PKNOX1: variants seen among roughly 807,000 people sequenced by gnomAD.
PKNOX1 encodes homeobox protein PKNOX1.
In PKNOX1, 15 loss-of-function variants were observed where a neutral mutation model predicts 51.9. The observed-to-expected ratio is 0.29, with a 90% CI of 0.19 to 0.45. PKNOX1 has a LOEUF of 0.45. Ranked by LOEUF, PKNOX1 falls within the 20% of genes least tolerant of loss-of-function variation. The probability of loss-of-function intolerance (pLI) is 1.00; values close to 1 mark genes in which losing one functional copy is unlikely to be tolerated. For missense variants in PKNOX1, 462 were observed against 547.5 expected (o/e 0.84, Z 1.56); for synonymous variants, 219 against 211.1 (o/e 1.04, Z -0.32).
rs1479314405 is a variant in PKNOX1 at position 43,021,303 on chromosome 21, C to G, written c.721C>G (p.Leu241Val). The G allele has an allele frequency of 6.3e-7, 1 of 1,594,366 alleles. No homozygotes were observed. The highest frequency in any genetic ancestry group is 8.6e-7 in the Non-Finnish European group (1 of 1,167,478). ...TAATGTTATTTTTCAACTTTAAAAGCTTCAGTTACAGTTAAACCAAGATCT... is the reference window on the plus strand; with the variant it reads ...TAATGTTATTTTTCAACTTTAAAAGGTTCAGTTACAGTTAAACCAAGATCT... The part of the protein sequence containing the change: ...PGTIRIQNSQ[L>V]QLQLNQDLSI... The change falls in exon 8 of 11, where the codon CTT (leucine) becomes GTT (valine). Residue 241 changes from leucine (L) to valine (V), a missense_variant and splice_region_variant. Leu to Val is a conservative substitution (Grantham distance 32). Transcript: ENST00000291547. The surrounding 1 kb of genome is among the most constrained non-coding windows in gnomAD (Gnocchi z 4.6).
chr21:43,018,469 G>GCGCCCCCCCCCCCCCCCCCCCC (rs1555862658), intron 7 of PKNOX1, among the ~76,000 whole-genome samples: 1 of 11,046 alleles, frequency 9.1e-5, no homozygotes, highest in African/African-American at 4.7e-4. Context: ...ACCACCCCCT[G>GCGCCCCCCCCCCCCCCCCCCCC]CCACCCACAC....
intron 1 of PKNOX1, among the ~76,000 whole-genome samples, chr21:42,976,449 C>A (rs992536529): frequency 6.6e-6 from 1 of 152,132 alleles, no homozygotes; most frequent in Non-Finnish European, 1.5e-5. Context: ...TTGATGGACT[C>A]CTCCTTTCAT....
chr21:42,989,538 C>T (rs995949924), intron 1 of PKNOX1, among the ~76,000 whole-genome samples: 4 of 152,078 alleles, frequency 2.6e-5, no homozygotes, highest in African/African-American at 4.8e-5. Flanking sequence ...CAAGTCTCAG[C>T]CTCCCGAGTA....
intron 8 of PKNOX1, among the ~76,000 whole-genome samples, chr21:43,023,667 T>A (rs1979861229): frequency 6.6e-6 from 1 of 151,696 alleles, no homozygotes; most frequent in South Asian, 2.1e-4. Context: ...CAGGCTGGAG[T>A]GCAGTGGCGC....
rs1193157665 is a variant in PKNOX1, at chr21:43,028,831, A to G, written c.1056A>G (p.Ser352=). 1.2e-6 allele frequency: 2 copies of G among 1,614,040 alleles called. No homozygotes were observed. The highest frequency in any genetic ancestry group is 1.3e-5 in the African/African-American group (1 of 74,924). Residue 352 remains serine, a synonymous_variant, in exon 10 of 11, where the codon TCA becomes TCG. Coordinates refer to ENST00000291547, the MANE Select transcript of PKNOX1 (RefSeq NM_004571.5). ...GGTTTTGGCCTGATTCTATTGCATCAGGAGTCGCACAGCCACCGCCGAGCG... is the reference window on the plus strand; with the variant it reads ...GGTTTTGGCCTGATTCTATTGCATCGGGAGTCGCACAGCCACCGCCGAGCG... The part of the protein sequence containing the change: ...VQRFWPDSIA[S]GVAQPPPSEL...
intron 1 of PKNOX1, among the ~76,000 whole-genome samples, chr21:42,987,398 A>ATATATATATATATATATATAT (rs1555858083): frequency 5.4e-5 from 5 of 91,826 alleles, no homozygotes; most frequent in African/African-American, 1.5e-4. Flanking sequence ...AAAAAAAAAA[A>ATATATATATATATATATATAT]AAAAAAATAT....
rs376666078 is a variant in PKNOX1 at position 42,994,023 on chromosome 21, C to T, written c.-56-10303C>T. 1.4e-3 allele frequency among the ~76,000 whole-genome samples: 191 copies of T among 133,350 alleles called. 3 individuals carry two copies. Among genetic ancestry groups the T allele is most frequent in the Admixed American group, 0.014 (171 of 12,234 alleles). The allele number at this position is 133,350 out of a possible 152,430, so 87.5% of individuals were successfully genotyped here. On this transcript the variant is annotated intron_variant, in intron 1 of 10. Coordinates refer to ENST00000291547, the MANE Select transcript of PKNOX1 (RefSeq NM_004571.5). ...TTGGGATTACAGGTGTGAGCCGCCG[C>T]GCCCAGCCTTTTTTTTTTTTTTTTT...
At chr21:42,977,338 C>T (rs1437850707) in intron 1 of PKNOX1, among the ~76,000 whole-genome samples, 1 of 152,154 alleles carries the variant, frequency 6.6e-6, no homozygotes, top group African/African-American at 2.4e-5. Context: ...TAGATGTCAT[C>T]TCCTTCCAAA....
At chr21:42,998,966 G>A (rs1002160177) in intron 1 of PKNOX1, among the ~76,000 whole-genome samples, 2 of 152,184 alleles carry the variant, frequency 1.3e-5, no homozygotes, top group Non-Finnish European at 2.9e-5. Context: ...GCCCCAGTAG[G>A]GACTCTGTGT....
At position 43,010,060 on chromosome 21, in the gene PKNOX1, C is replaced by T. The variant is rs1479731947; in HGVS notation, c.187C>T (p.Leu63=). 1.3e-6 allele frequency: 2 copies of T among 1,554,794 alleles called. No individual in the cohort carries two copies. Among genetic ancestry groups the T allele is most frequent in the African/African-American group, 2.8e-5 (2 of 71,912 alleles). ...TTTTTCTTTTCTCCTCAGGCATCCACTATTTCCATTATTAGCTTTGTTGTT... is the reference window on the plus strand; with the variant it reads ...TTTTTCTTTTCTCCTCAGGCATCCATTATTTCCATTATTAGCTTTGTTGTT... The part of the protein sequence containing the change: ...VDKQAIYRHP[L]FPLLALLFEK... Residue 63 remains leucine, a synonymous_variant, in exon 4 of 11, where the codon CTA becomes TTA. Coordinates refer to ENST00000291547, the MANE Select transcript of PKNOX1 (RefSeq NM_004571.5).
chr21:42,980,051 C>T (rs1361873047), intron 1 of PKNOX1, among the ~76,000 whole-genome samples: 4 of 152,128 alleles, frequency 2.6e-5, no homozygotes, highest in Admixed American at 6.6e-5. Context: ...ATGTAGTTAA[C>T]GTTTCTCTGG....
At chr21:43,019,084 C>CA (rs57172994) in intron 7 of PKNOX1, among the ~76,000 whole-genome samples, 92 of 118,466 alleles carry the variant, frequency 7.8e-4, no homozygotes, top group East Asian at 1.5e-3. Flanking sequence ...GACTCCATCT[C>CA]AAAAAAAAAA....
At position 42,988,774 on chromosome 21, in the gene PKNOX1, G is replaced by A. The variant is rs374379586; in HGVS notation, c.-57+14110G>A. Among the ~76,000 whole-genome samples, 24 of 152,266 alleles carry A rather than the reference G, an allele frequency of 1.6e-4. No individual in the cohort carries two copies. The East Asian group carries it at 3.9e-3, about 25-fold the overall frequency. ...CCTTGGTCAGGGCTGGCCCAGGAACGGAGTGGGTTGATGAGAGGGAGCCTG... is the reference window on the plus strand; with the variant it reads ...CCTTGGTCAGGGCTGGCCCAGGAACAGAGTGGGTTGATGAGAGGGAGCCTG... On this transcript the variant is annotated intron_variant, in intron 1 of 10. Transcript: ENST00000291547.
chr21:43,003,725 C>G (rs1978865148), intron 1 of PKNOX1, among the ~76,000 whole-genome samples: 1 of 152,204 alleles, frequency 6.6e-6, no homozygotes, highest in Admixed American at 6.5e-5. Context: ...CTGCCGCACC[C>G]CAGGCCCAGC....
chr21:43,007,461 C>T, intron 2 of PKNOX1, 30 bp from the exon 3 acceptor site: 1 of 1,609,938 alleles, frequency 6.2e-7, no homozygotes, highest in South Asian at 1.1e-5. Flanking sequence ...TTTGTGTTTG[C>T]TAATAAGAAT....
At chr21:43,018,012 C>A in intron 6 of PKNOX1, 121 bp from the exon 7 acceptor site, 2 of 618,658 alleles carry the variant, frequency 3.2e-6, no homozygotes, top group East Asian at 5.6e-5. Flanking sequence ...GAGTTAGAGA[C>A]CAGCCTGGGC....
intron 1 of PKNOX1, among the ~76,000 whole-genome samples, chr21:42,990,888 G>A (rs531297745): frequency 6.6e-6 from 1 of 152,266 alleles, no homozygotes; most frequent in East Asian, 1.9e-4. Context: ...TTGGAGGTCA[G>A]CATGTTTCCT....
At chr21:42,988,904 GAT>G in intron 1 of PKNOX1, among the ~76,000 whole-genome samples, 2 of 149,760 alleles carry the variant, frequency 1.3e-5, no homozygotes. Flanking sequence ...CTGCGGGCTG[GAT>G]GAGGACCCCT....
chr21:43,013,031 C>G, intron 4 of PKNOX1, 37 bp from the exon 5 acceptor site: 1 of 1,528,676 alleles, frequency 6.5e-7, no homozygotes, highest in Non-Finnish European at 8.9e-7. Flanking sequence ...AATAATGCCA[C>G]CTTTTTCTCT....
Sources: allele counts gnomAD v4.1 joint callset (sites outside exome capture counted in the v4.1 genomes callset), GRCh38; gene constraint gnomAD v4.1.1; non-coding constraint Gnocchi (gnomAD v3.1); transcripts MANE v1.5; gene names NCBI Gene and HGNC (gene_info 2026-07-23, HGNC 2026-07-21).